The following BCAR3 variants were observed in gnomAD, a reference collection of about 807,000 sequenced individuals.
BCAR3 encodes BCAR3 adaptor protein, NSP family member, also known as breast cancer anti-estrogen resistance protein 3.
Under a neutral mutation model 80.1 loss-of-function variants are expected in BCAR3, and 37 were observed. The ratio of observed to expected loss-of-function variants is 0.46; its 90% CI spans 0.36 to 0.61. The LOEUF (loss-of-function observed/expected upper bound fraction) is 0.61. BCAR3 is among the 20% of genes least tolerant of loss of function. The probability of loss-of-function intolerance (pLI) is 0.00; values close to 1 mark genes in which losing one functional copy is unlikely to be tolerated. For missense variants in BCAR3, 978 were observed against 1,068.2 expected (o/e 0.92, Z 1.18); for synonymous variants, 389 against 418.9 (o/e 0.93, Z 0.87).
chr1:93,618,873 A>G (rs938027509), intron 3 of BCAR3, among the ~76,000 whole-genome samples: 3 of 148,782 alleles, frequency 2.0e-5, no homozygotes, highest in African/African-American at 5.0e-5. Flanking sequence ...CCGCTTTACT[A>G]TGTTGTTCCG....
At chr1:93,828,485 C>T (rs1047248556) in intron 2 of BCAR3, among the ~76,000 whole-genome samples, 5 of 152,114 alleles carry the variant, frequency 3.3e-5, no homozygotes, top group African/African-American at 9.7e-5. Context: ...TATCCTTGCT[C>T]CAGAGGGGTT....
At chr1:93,650,463 A>G (rs140395293) in intron 2 of BCAR3, among the ~76,000 whole-genome samples, 244 of 152,346 alleles carry the variant, frequency 1.6e-3, no homozygotes, top group South Asian at 0.01. Context: ...ATAAAGCCAG[A>G]CTACCTGGTT....
chr1:93,677,118 A>G (rs184065611), intron 1 of BCAR3, among the ~76,000 whole-genome samples: 52 of 152,362 alleles, frequency 3.4e-4, no homozygotes, highest in Non-Finnish European at 6.6e-4. Context: ...ATACCTGACT[A>G]TGAACTCTAA....
At chr1:93,796,497 C>A (rs1653271648) in intron 2 of BCAR3, among the ~76,000 whole-genome samples, 1 of 149,586 alleles carries the variant, frequency 6.7e-6, no homozygotes, top group African/African-American at 2.5e-5. Context: ...TGAGGCAATG[C>A]CTCCCCCTGC....
At chr1:93,633,048 C>T (rs1426765713) in intron 3 of BCAR3, among the ~76,000 whole-genome samples, 1 of 152,074 alleles carries the variant, frequency 6.6e-6, no homozygotes, top group Non-Finnish European at 1.5e-5. Flanking sequence ...AATATAAAAT[C>T]CACTTTTAGC....
intron 2 of BCAR3, among the ~76,000 whole-genome samples, chr1:93,819,665 G>A (rs986605309): frequency 2.0e-5 from 3 of 152,124 alleles, no homozygotes; most frequent in African/African-American, 7.2e-5. Context: ...AGAAAATTCA[G>A]GCAGACGCTG....
intron 2 of BCAR3, among the ~76,000 whole-genome samples, chr1:93,758,007 A>C (rs1651804221): frequency 6.6e-6 from 1 of 152,170 alleles, no homozygotes; most frequent in South Asian, 2.1e-4. Context: ...CTTCAGAGAT[A>C]TCTTGAATGG....
At chr1:93,577,648 C>G (rs1326386449) in intron 7 of BCAR3, among the ~76,000 whole-genome samples, 2 of 152,222 alleles carry the variant, frequency 1.3e-5, no homozygotes, top group African/African-American at 4.8e-5. Context: ...CTGGCCAGAT[C>G]TTGGGAAAGA....
intron 7 of BCAR3, among the ~76,000 whole-genome samples, chr1:93,579,263 C>T (rs1268805887): frequency 6.6e-6 from 1 of 152,238 alleles, no homozygotes; most frequent in Admixed American, 6.5e-5. Context: ...GCTGCCACTG[C>T]ACTTGGGATA....
chr1:93,744,040 G>A (rs146247354), intron 2 of BCAR3, among the ~76,000 whole-genome samples: 12 of 152,254 alleles, frequency 7.9e-5, no homozygotes, highest in Middle Eastern at 3.4e-3. Context: ...GAGGCAGCAG[G>A]CTGTATGCAA....
intron 2 of BCAR3, among the ~76,000 whole-genome samples, chr1:93,776,912 T>C (rs1375630586): frequency 1.3e-5 from 2 of 152,180 alleles, no homozygotes; most frequent in Admixed American, 6.5e-5. Context: ...ACGCTGTGCC[T>C]GTGATCGTGA....
At chr1:93,756,172 T>C (rs1288587284) in intron 2 of BCAR3, among the ~76,000 whole-genome samples, 4 of 152,256 alleles carry the variant, frequency 2.6e-5, no homozygotes, top group Non-Finnish European at 5.9e-5. Flanking sequence ...CAAATTAAGC[T>C]GCTCTTTAAT....
In BCAR3 at chr1:93,624,767, G is replaced by A. The variant is rs190887933; in HGVS notation, c.357+17537C>T. Among the ~76,000 whole-genome samples, 505 of 152,350 alleles carry A rather than the reference G, an allele frequency of 3.3e-3. 8 individuals carry two copies. Among genetic ancestry groups the A allele is most frequent in the African/African-American group, 0.012 (494 of 41,572 alleles). ...CTCTTGTTCATGGTATTTGCAAGAA[G>A]GTAGGGGCCCTTCCCTGTCTCTCCA... On this transcript the variant is annotated intron_variant, in intron 3 of 11. Coordinates refer to ENST00000260502, the MANE Select transcript of BCAR3 (RefSeq NM_003567.4).
chr1:93,590,755 T>G (rs1674138617), intron 4 of BCAR3, among the ~76,000 whole-genome samples: 1 of 152,236 alleles, frequency 6.6e-6, no homozygotes, highest in Non-Finnish European at 1.5e-5. Context: ...TGAAAATAAT[T>G]GTAGGTATGA....
intron 8 of BCAR3, among the ~76,000 whole-genome samples, chr1:93,573,212 A>G (rs1234019902): frequency 6.6e-6 from 1 of 152,094 alleles, no homozygotes; most frequent in East Asian, 1.9e-4. Context: ...CCTGGGCAAC[A>G]TGGGCTAAAC....
chr1:93,702,767 CA>C (rs1649690609), intron 3 of BCAR3, among the ~76,000 whole-genome samples: 1 of 152,340 alleles, frequency 6.6e-6, no homozygotes, highest in East Asian at 1.9e-4. Flanking sequence ...CATTGTATTT[CA>C]GAACTGAGCT....
chr1:93,704,467 G>C (rs1649766785), intron 3 of BCAR3, among the ~76,000 whole-genome samples: 1 of 152,184 alleles, frequency 6.6e-6, no homozygotes, highest in Admixed American at 6.5e-5. Context: ...CACAGACACA[G>C]AGAAGTAGAG....
chr1:93,591,168 T>TAAAAAAA (rs35143036), intron 4 of BCAR3, among the ~76,000 whole-genome samples: 8 of 66,322 alleles, frequency 1.2e-4, no homozygotes, highest in African/African-American at 1.7e-4. Flanking sequence ...TCTACTACAT[T>TAAAAAAA]AAAAAAAAAA....
intron 2 of BCAR3, among the ~76,000 whole-genome samples, chr1:93,825,792 C>G (rs12123641): frequency 0.1 from 15,167 of 152,216 alleles, 967 homozygotes; most frequent in East Asian, 0.18. Context: ...TTTGACCCAT[C>G]TCTGTTCTGG....
Sources: gnomAD v4.1 joint callset for allele counts (sites outside exome capture counted in the v4.1 genomes callset) on GRCh38, gnomAD v4.1.1 for gene constraint, MANE v1.5 for transcripts, NCBI Gene and HGNC (gene_info 2026-07-23, HGNC 2026-07-21) for gene names.